VANGL1: variants seen among roughly 807,000 people sequenced by gnomAD.
The protein encoded by VANGL1 is VANGL planar cell polarity protein 1, also known as vang-like protein 1.
VANGL1 carries 18 observed loss-of-function variants against 48.4 expected under a neutral mutation model. The ratio of observed to expected loss-of-function variants is 0.37; its 90% CI spans 0.26 to 0.55. VANGL1 has a LOEUF of 0.55. VANGL1 is among the 20% of genes least tolerant of loss of function. VANGL1 has a pLI of 0.81. For synonymous variants in VANGL1, 257 were observed against 261.8 expected, an observed-to-expected ratio of 0.98 and a Z score of 0.18; for missense variants, 667 against 675.8, an observed-to-expected ratio of 0.99 and a Z score of 0.14.
intron 4 of VANGL1, among the ~76,000 whole-genome samples, chr1:115,676,973 T>C (rs140755101): frequency 1.5e-3 from 221 of 152,336 alleles, no homozygotes; most frequent in African/African-American, 5.2e-3. Flanking sequence ...GACTAATTTG[T>C]TCAAGGTGAA....
rs10923177 is a variant in VANGL1, at chr1:115,682,559, A to G, written c.946+62A>G. 535 of 1,612,532 alleles carry G rather than the reference A, an allele frequency of 3.3e-4. 7 individuals are homozygous for G. The East Asian group carries it at 7.9e-3, about 24-fold the overall frequency. ...GGGCACAGTTGGGTGACTATTTAAG[A>G]TTCATGGTACGTTTGGTTCGACTTC... On this transcript the variant is annotated intron_variant, in intron 5 of 7. Transcript: ENST00000355485.
At chr1:115,658,974 T>C (rs4839468) in intron 2 of VANGL1, among the ~76,000 whole-genome samples, 151,983 of 152,008 alleles carry the variant, frequency 1, 75,979 homozygotes, top group Middle Eastern at 1. Flanking sequence ...CACACACACA[T>C]CCACCCACAC....
At chr1:115,681,507 T>TG (rs1557774094) in intron 4 of VANGL1, among the ~76,000 whole-genome samples, 38 of 143,994 alleles carry the variant, frequency 2.6e-4, no homozygotes, top group Middle Eastern at 3.5e-3. Flanking sequence ...TTTGTTGTTT[T>TG]TTTTGTTTTT....
At chr1:115,652,731 C>A (rs963768846) in intron 2 of VANGL1, among the ~76,000 whole-genome samples, 3 of 152,146 alleles carry the variant, frequency 2.0e-5, no homozygotes, top group African/African-American at 7.2e-5. Flanking sequence ...AGATTTTGTT[C>A]TGTAAAACAG....
chr1:115,653,126 C>T (rs1482377380), intron 2 of VANGL1, among the ~76,000 whole-genome samples: 1 of 152,056 alleles, frequency 6.6e-6, no homozygotes, highest in Admixed American at 6.5e-5. Context: ...GGATTATGGT[C>T]GTATTTTCTT....
chr1:115,654,757 C>T (rs1652281809), intron 2 of VANGL1, among the ~76,000 whole-genome samples: 1 of 152,124 alleles, frequency 6.6e-6, no homozygotes, highest in Non-Finnish European at 1.5e-5. Context: ...TTAAACAGAG[C>T]AGCTGCCAGT....
At chr1:115,646,422 A>AT (rs1290287726) in intron 1 of VANGL1, among the ~76,000 whole-genome samples, 5 of 147,472 alleles carry the variant, frequency 3.4e-5, no homozygotes, top group Admixed American at 6.8e-5. Context: ...GCTGCTGCTG[A>AT]TTTTTACTCA....
At chr1:115,681,646 A>G (rs1008673635) in intron 4 of VANGL1, among the ~76,000 whole-genome samples, 2 of 151,700 alleles carry the variant, frequency 1.3e-5, no homozygotes, top group Non-Finnish European at 2.9e-5. Flanking sequence ...AGCTGGGATT[A>G]CAGGTGCATG....
intron 3 of VANGL1, among the ~76,000 whole-genome samples, chr1:115,660,540 T>A (rs200796142): frequency 6.6e-6 from 1 of 152,210 alleles, no homozygotes; most frequent in East Asian, 1.9e-4. Context: ...CTTCTCCAGG[T>A]TCCAACTGTC....
intron 4 of VANGL1, among the ~76,000 whole-genome samples, chr1:115,672,070 C>T (rs952636906): frequency 6.6e-6 from 1 of 152,236 alleles, no homozygotes; most frequent in Non-Finnish European, 1.5e-5. Context: ...CTCACAAACT[C>T]CTCCCAGTGT....
chr1:115,647,775 G>A (rs1651994656), intron 1 of VANGL1, among the ~76,000 whole-genome samples: 1 of 152,138 alleles, frequency 6.6e-6, no homozygotes, highest in Admixed American at 6.5e-5. Flanking sequence ...TTAGGATGAG[G>A]GTATTGCTTT....
intron 3 of VANGL1, among the ~76,000 whole-genome samples, chr1:115,662,009 G>A (rs920203113): frequency 1.3e-5 from 2 of 152,132 alleles, no homozygotes; most frequent in Non-Finnish European, 2.9e-5. Context: ...ATATGAAACC[G>A]CCAGAGTGGT....
At chr1:115,651,202 T>C (rs61800295) in intron 1 of VANGL1, 75 bp from the exon 2 acceptor site, 95 of 571,738 alleles carry the variant, frequency 1.7e-4, no homozygotes, top group Non-Finnish European at 2.6e-4. Flanking sequence ...GAGGTGTGGC[T>C]TTGTCATTTA....
chr1:115,681,161 TG>T (rs1374928336), intron 4 of VANGL1, among the ~76,000 whole-genome samples: 2 of 152,174 alleles, frequency 1.3e-5, no homozygotes, highest in Non-Finnish European at 2.9e-5. Context: ...GAGGGTTAAA[TG>T]AGAATCAGGT....
At chr1:115,680,510 C>T (rs1405117188) in intron 4 of VANGL1, among the ~76,000 whole-genome samples, 2 of 152,178 alleles carry the variant, frequency 1.3e-5, no homozygotes, top group African/African-American at 4.8e-5. Context: ...GGTTTACTTC[C>T]ATTATGCAAA....
At chr1:115,657,992 T>A (rs1184996780) in intron 2 of VANGL1, among the ~76,000 whole-genome samples, 3 of 152,204 alleles carry the variant, frequency 2.0e-5, no homozygotes, top group African/African-American at 7.2e-5. Context: ...CACCAAGCCA[T>A]GAGGGGTCTG....
intron 3 of VANGL1, among the ~76,000 whole-genome samples, chr1:115,661,688 C>T (rs1252901157): frequency 6.6e-6 from 1 of 151,840 alleles, no homozygotes; most frequent in Non-Finnish European, 1.5e-5. Context: ...CATGATATCA[C>T]CTCACTGCAG....
intron 4 of VANGL1, among the ~76,000 whole-genome samples, chr1:115,677,658 A>G (rs751893090): frequency 9.9e-5 from 15 of 152,170 alleles, no homozygotes; most frequent in Non-Finnish European, 1.9e-4. Context: ...GGTTGTGACT[A>G]GGCAGGTATG....
At chr1:115,686,746 G>A (rs919966318) in intron 7 of VANGL1, among the ~76,000 whole-genome samples, 5 of 151,904 alleles carry the variant, frequency 3.3e-5, no homozygotes, top group Admixed American at 6.6e-5. Context: ...CAAAGCCATA[G>A]CATTATTTTT....
Sources: allele counts gnomAD v4.1 joint callset (sites outside exome capture counted in the v4.1 genomes callset), GRCh38; gene constraint gnomAD v4.1.1; transcripts MANE v1.5; gene names NCBI Gene and HGNC (gene_info 2026-07-23, HGNC 2026-07-21).